Variants in GMDS observed in about 807,000 individuals in gnomAD.
GMDS encodes the protein GDP-mannose 4,6 dehydratase.
Under a neutral mutation model 49.9 loss-of-function variants are expected in GMDS, and 20 were observed. The observed-to-expected ratio is 0.40, with a 90% CI of 0.28 to 0.58. The LOEUF (loss-of-function observed/expected upper bound fraction) is 0.58, where lower values mean the gene tolerates loss of function less well. Among genes scored for constraint, GMDS ranks in the 20% least tolerant of loss-of-function variants. The pLI, the probability that GMDS is intolerant of heterozygous loss-of-function variation, is 0.42. For missense variants in GMDS, 362 were observed against 481.4 expected (o/e 0.75, Z 2.32); for synonymous variants, 177 against 178.6 (o/e 0.99, Z 0.07).
intron 1 of GMDS, among the ~76,000 whole-genome samples, chr6:2,244,172 C>G (rs1308921947): frequency 2.0e-5 from 3 of 152,102 alleles, no homozygotes; most frequent in Non-Finnish European, 2.9e-5. Flanking sequence ...CTCCTGCCCA[C>G]TTAGCCCTTT....
At chr6:2,186,541 C>T (rs1778788371) in intron 1 of GMDS, among the ~76,000 whole-genome samples, 1 of 152,212 alleles carries the variant, frequency 6.6e-6, no homozygotes, top group Admixed American at 6.5e-5. Context: ...GCTAGCCTTT[C>T]CATAATAAAT....
At chr6:2,014,451 ACT>A (rs1455283663) in intron 4 of GMDS, among the ~76,000 whole-genome samples, 4 of 152,002 alleles carry the variant, frequency 2.6e-5, no homozygotes, top group Admixed American at 1.3e-4. Context: ...TGTTCAAAAT[ACT>A]CTGTTATAAA....
At chr6:1,753,601 C>T (rs1767823501) in intron 7 of GMDS, among the ~76,000 whole-genome samples, 1 of 152,222 alleles carries the variant, frequency 6.6e-6, no homozygotes, top group Non-Finnish European at 1.5e-5. Flanking sequence ...CTCAGCACCA[C>T]ATTCCACTTA....
At chr6:2,059,876 T>C (rs977166624) in intron 4 of GMDS, among the ~76,000 whole-genome samples, 1 of 151,784 alleles carries the variant, frequency 6.6e-6, no homozygotes, top group Non-Finnish European at 1.5e-5. Context: ...GTAATAAATA[T>C]AGTCTTCTAA....
chr6:1,753,105 T>G (rs892412083), intron 7 of GMDS, among the ~76,000 whole-genome samples: 25 of 151,880 alleles, frequency 1.6e-4, no homozygotes, highest in African/African-American at 6.0e-4. Context: ...GGATAAAGAG[T>G]CAAGACCCAT....
chr6:2,177,629 G>T (rs180780892), intron 1 of GMDS, among the ~76,000 whole-genome samples: 26 of 152,134 alleles, frequency 1.7e-4, no homozygotes, highest in African/African-American at 6.3e-4. Context: ...AAAAGTTTTC[G>T]ATAAAATCCA....
chr6:2,202,962 T>C (rs1340703424), intron 1 of GMDS, among the ~76,000 whole-genome samples: 2 of 152,164 alleles, frequency 1.3e-5, no homozygotes, highest in Non-Finnish European at 2.9e-5. Flanking sequence ...GGGTCTGGGC[T>C]GTGCACCCCC....
intron 9 of GMDS, among the ~76,000 whole-genome samples, chr6:1,699,587 G>A (rs148642632): frequency 7.7e-4 from 117 of 152,202 alleles, no homozygotes; most frequent in Non-Finnish European, 1.2e-3. Context: ...CCCTTGGCTC[G>A]CAGCCCCTTC....
chr6:1,992,225 C>T (rs749206001), intron 4 of GMDS, among the ~76,000 whole-genome samples: 2 of 152,188 alleles, frequency 1.3e-5, no homozygotes, highest in Non-Finnish European at 2.9e-5. Flanking sequence ...ACTCACACTA[C>T]ACAACGAATT....
chr6:2,153,860 G>A (rs1457135791), intron 1 of GMDS, among the ~76,000 whole-genome samples: 1 of 152,098 alleles, frequency 6.6e-6, no homozygotes, highest in Non-Finnish European at 1.5e-5. Flanking sequence ...TCCAGCAAAA[G>A]GCAGAACTGT....
At chr6:1,951,221 A>T (rs1057065162) in intron 6 of GMDS, among the ~76,000 whole-genome samples, 3 of 152,266 alleles carry the variant, frequency 2.0e-5, no homozygotes, top group Non-Finnish European at 4.4e-5. Flanking sequence ...GAATTATTTT[A>T]AAAATTCTGA....
Position 1,833,300 on chromosome 6 carries a change from A to G in GMDS, c.772-90714T>C, listed in dbSNP as rs889110686. 6.6e-6 allele frequency among the ~76,000 whole-genome samples: 1 copy of G among 151,960 alleles called. No homozygotes were observed. The highest frequency in any genetic ancestry group is 6.6e-5 in the Admixed American group (1 of 15,262). The stretch of plus-strand genomic sequence containing the variant: ...CCAGAGAAGGGGAGGCCCCAGAACA[A>G]CACTGGACACATCAAATGTCCTCCC... On this transcript the variant is annotated intron_variant, in intron 7 of 10. Coordinates refer to ENST00000380815, the MANE Select transcript of GMDS (RefSeq NM_001500.4). This position sits in a 1 kb window ranked among gnomAD's most constrained non-coding sequence, Gnocchi z 4.4.
At chr6:1,811,783 A>G (rs1272573273) in intron 7 of GMDS, among the ~76,000 whole-genome samples, 1 of 152,184 alleles carries the variant, frequency 6.6e-6, no homozygotes, top group Non-Finnish European at 1.5e-5. Context: ...CTATTTTGCT[A>G]TCTGCAATTC....
intron 3 of GMDS, 122 bp from the exon 4 acceptor site, chr6:2,116,002 G>A (rs1188043315): frequency 1.5e-6 from 1 of 647,100 alleles, no homozygotes; most frequent in Admixed American, 2.3e-5. Context: ...TGGAAATGCT[G>A]TACTGATGGT....
chr6:1,990,126 C>T (rs1165140634), intron 4 of GMDS, among the ~76,000 whole-genome samples: 1 of 152,170 alleles, frequency 6.6e-6, no homozygotes, highest in Non-Finnish European at 1.5e-5. Context: ...GAAACCCCGT[C>T]TCTACTAAAA....
At chr6:2,030,626 T>G (rs1768894589) in intron 4 of GMDS, among the ~76,000 whole-genome samples, 1 of 152,170 alleles carries the variant, frequency 6.6e-6, no homozygotes, top group Non-Finnish European at 1.5e-5. Context: ...GAAGAATTTA[T>G]AAGACTCACT....
At chr6:2,197,605 G>A (rs959595031) in intron 1 of GMDS, among the ~76,000 whole-genome samples, 1 of 152,156 alleles carries the variant, frequency 6.6e-6, no homozygotes, top group Admixed American at 6.5e-5. Context: ...GAGAAGCTCT[G>A]GCTTTGCTGT....
intron 1 of GMDS, among the ~76,000 whole-genome samples, chr6:2,182,110 C>A (rs1480623926): frequency 6.6e-6 from 1 of 152,240 alleles, no homozygotes; most frequent in Non-Finnish European, 1.5e-5. Flanking sequence ...TTCTAGTGAT[C>A]TGAATGGAAG....
intron 7 of GMDS, among the ~76,000 whole-genome samples, chr6:1,887,757 G>A (rs1247619987): frequency 2.0e-5 from 3 of 152,068 alleles, no homozygotes; most frequent in Non-Finnish European, 2.9e-5. Flanking sequence ...ACAGAGGATC[G>A]GTTCCAGGAC....
Sources: gnomAD v4.1 joint callset for allele counts (sites outside exome capture counted in the v4.1 genomes callset) on GRCh38, gnomAD v4.1.1 for gene constraint, Gnocchi (gnomAD v3.1) non-coding constraint, MANE v1.5 for transcripts, NCBI Gene and HGNC (gene_info 2026-07-23, HGNC 2026-07-21) for gene names.